DNAH10: variants seen among roughly 807,000 people sequenced by gnomAD.
The protein encoded by DNAH10 is axonemal beta dynein heavy chain 10.
Under a neutral mutation model 506.6 loss-of-function variants are expected in DNAH10, and 348 were observed. The ratio of observed to expected loss-of-function variants is 0.69; its 90% CI spans 0.63 to 0.75. The LOEUF (loss-of-function observed/expected upper bound fraction) is 0.75. Ranked by LOEUF, DNAH10 falls within the 30% of genes least tolerant of loss-of-function variation. The pLI, the probability that DNAH10 is intolerant of heterozygous loss-of-function variation, is 0.00. For missense variants in DNAH10, 5,179 were observed against 5,787.1 expected, an observed-to-expected ratio of 0.89 and a Z score of 3.41; for synonymous variants, 2,059 against 2,198.6, an observed-to-expected ratio of 0.94 and a Z score of 1.78.
intron 6 of DNAH10, among the ~76,000 whole-genome samples, chr12:123,782,059 C>T (rs1448194772): frequency 1.3e-5 from 2 of 152,124 alleles, no homozygotes; most frequent in Non-Finnish European, 2.9e-5. Context: ...GGATGGATGT[C>T]TAGAGATTCT....
In DNAH10 at chr12:123,826,843, T is replaced by C; in HGVS notation, c.4336T>C (p.Phe1446Leu). ...CTACTTGGAAGCAAAAATGAAGGCATTCAAAGACTCGATTCCTTTACTTCT... is the reference window on the plus strand; with the variant it reads ...CTACTTGGAAGCAAAAATGAAGGCACTCAAAGACTCGATTCCTTTACTTCT... ...TYYLEAKMKA[F>L]KDSIPLLLDL... The change falls in exon 25 of 79, where the codon TTC (phenylalanine) becomes CTC (leucine). Residue 1446 changes from phenylalanine to leucine, a missense_variant. Physicochemically the swap from Phe to Leu is conservative, Grantham distance 22. This residue lies in a region of DNAH10 where 4,844 missense variants were observed against 5,430.5 expected (regional missense o/e 0.89). Coordinates refer to ENST00000673944, the MANE Select transcript of DNAH10 (RefSeq NM_001372106.1). The C allele has an allele frequency of 5.0e-6, 8 of 1,614,012 alleles. No homozygotes were observed. Among genetic ancestry groups the C allele is most frequent in the Non-Finnish European group, 6.8e-6 (8 of 1,179,882 alleles).
chr12:123,893,207 A>C (rs747106659), intron 52 of DNAH10, 26 bp from the exon 53 acceptor site: 1 of 1,610,200 alleles, frequency 6.2e-7, no homozygotes, highest in Admixed American at 1.7e-5. Flanking sequence ...ACTCAGAGAG[A>C]TCACCAGCAT....
intron 18 of DNAH10, among the ~76,000 whole-genome samples, chr12:123,807,836 G>A (rs1468515337): frequency 9.7e-6 from 1 of 103,018 alleles, no homozygotes; most frequent in African/African-American, 3.7e-5. Flanking sequence ...GGGGAAGAGG[G>A]AGAGAGGAAG....
chr12:123,879,646 A>G lies in DNAH10; in HGVS notation c.8479A>G (p.Ile2827Val). ...CTTCTGTTTCAAGGTACAACAGCAC[A>G]TAGGCAGCTTGGTTGTGGAACATTT... Reference protein sequence around the residue: ...ETDKQLVQQHIGSLVVEHFKD... With the variant: ...ETDKQLVQQHVGSLVVEHFKD... Residue 2827 changes from isoleucine to valine, a missense_variant, in exon 50 of 79, where the codon ATA becomes GTA. Around this residue, in one of 3 missense-constraint regions of DNAH10, gnomAD observed 4,844 missense variants for 5,430.5 expected, o/e 0.89. Coordinates refer to ENST00000673944, the MANE Select transcript of DNAH10 (RefSeq NM_001372106.1). 6.2e-7 allele frequency: 1 copy of G among 1,614,044 alleles called. No individual in the cohort carries two copies. Among genetic ancestry groups the G allele is most frequent in the Non-Finnish European group, 8.5e-7 (1 of 1,179,898 alleles).
At chr12:123,773,945 G>A (rs752080179) in intron 4 of DNAH10, among the ~76,000 whole-genome samples, 1 of 152,180 alleles carries the variant, frequency 6.6e-6, no homozygotes, top group African/African-American at 2.4e-5. Flanking sequence ...ACTAATCCAC[G>A]AACCACAGTG....
chr12:123,817,631 TCTTATAA>T (rs1430324515), intron 21 of DNAH10, among the ~76,000 whole-genome samples: 1 of 152,238 alleles, frequency 6.6e-6, no homozygotes, highest in African/African-American at 2.4e-5. Context: ...AAATTGTGTG[TCTTATAA>T]CTCTGTCGTG....
Position 123,826,768 on chromosome 12 carries a change from A to T in DNAH10, c.4261A>T (p.Arg1421Trp). 6.2e-7 allele frequency: 1 copy of T among 1,612,860 alleles called. No homozygotes were observed. The highest frequency in any genetic ancestry group is 8.5e-7 in the Non-Finnish European group (1 of 1,178,862). ...ILQEGIEGFL[R>W]ALRKLPRPVR... ...CCAGGAAGGAATTGAAGGTTTTCTC[A>T]GGGCTCTCAGAAAGCTACCTCGGCC... Residue 1421 changes from arginine (R) to tryptophan (W), a missense_variant, in exon 25 of 79, where the codon AGG becomes TGG. Physicochemically the swap from Arg to Trp is moderately radical, Grantham distance 101. Around this residue, in one of 3 missense-constraint regions of DNAH10, gnomAD observed 4,844 missense variants for 5,430.5 expected, o/e 0.89. Transcript: ENST00000673944.
intron 24 of DNAH10, 68 bp downstream of exon 24, chr12:123,820,826 G>C: frequency 6.5e-7 from 1 of 1,538,880 alleles, no homozygotes; most frequent in Non-Finnish European, 8.9e-7. Flanking sequence ...CTTAAGCCCT[G>C]CAGACTTTGA....
At position 123,833,183 on chromosome 12, in the gene DNAH10, C is replaced by G. The variant is rs1287390166; in HGVS notation, c.4615C>G (p.Gln1539Glu). 1 of 1,613,306 alleles carries G rather than the reference C, an allele frequency of 6.2e-7. No homozygotes were observed. The highest frequency in any genetic ancestry group is 1.1e-5 in the South Asian group (1 of 90,996). The change falls in exon 27 of 79, where the codon CAG becomes GAG. Residue 1539 changes from glutamine (Q) to glutamate (E), a missense_variant. Physicochemically the swap from Gln to Glu is conservative, Grantham distance 29 (BLOSUM62 2). Around this residue, in one of 3 missense-constraint regions of DNAH10, gnomAD observed 4,844 missense variants for 5,430.5 expected, o/e 0.89. Transcript: ENST00000673944. Reference protein sequence around the residue: ...FTVVKYCKGTQERGYILGSVD... With the variant: ...FTVVKYCKGTEERGYILGSVD... ...TGTAGTCAAGTATTGCAAAGGCACA[C>G]AGGAGCGAGGCTACATCCTGGGTTC...
At chr12:123,924,927 C>A in intron 67 of DNAH10, 123 bp from the exon 68 acceptor site, 1 of 1,291,886 alleles carries the variant, frequency 7.7e-7, no homozygotes, top group Non-Finnish European at 1.1e-6. Context: ...GACCAGGTGG[C>A]CTTCAGTTAG....
chr12:123,834,485 G>A (rs904795707), intron 27 of DNAH10, among the ~76,000 whole-genome samples: 4 of 152,142 alleles, frequency 2.6e-5, no homozygotes, highest in Non-Finnish European at 4.4e-5. Context: ...TGTGATTATA[G>A]GCATGAGCCA....
rs958045147 is a variant in DNAH10 at position 123,928,296 on chromosome 12, C to T, written c.12106-91C>T. Reference sequence around the variant, plus strand: ...TTTTGGCTTCTGCTGGAGCTGCCATCGCCCTTCTGTGGGTGTGGAGTGGGT... The same window carrying T: ...TTTTGGCTTCTGCTGGAGCTGCCATTGCCCTTCTGTGGGTGTGGAGTGGGT... On this transcript the variant is annotated intron_variant, in intron 69 of 78. Transcript: ENST00000673944. The surrounding 1 kb of genome is among the most constrained non-coding windows in gnomAD (Gnocchi z 4.9). 47 of 1,391,794 alleles carry T rather than the reference C, an allele frequency of 3.4e-5. No individual in the cohort carries two copies. In the African/African-American group the frequency reaches 5.3e-4, roughly 16 times the overall value. 86.2% of individuals were successfully genotyped at this position (1,391,794 alleles called of 1,614,324 possible).
Position 123,909,211 on chromosome 12 carries a change from T to C in DNAH10, c.9816-50T>C. On this transcript the variant is annotated intron_variant, in intron 57 of 78. Transcript: ENST00000673944. This position sits in a 1 kb window ranked among gnomAD's most constrained non-coding sequence, Gnocchi z 5.4. ...TTCTGGAGCTCTCTTTCAGGCCAGA[T>C]CCTGGCCACATCCCGGGGTTGTGAC... 6.3e-7 allele frequency: 1 copy of C among 1,589,778 alleles called. No individual in the cohort carries two copies. Among genetic ancestry groups the C allele is most frequent in the Non-Finnish European group, 8.6e-7 (1 of 1,168,580 alleles).
chr12:123,914,913 C>A lies in DNAH10; in HGVS notation c.10636C>A (p.Arg3546=), dbSNP rs200816002. 6.2e-7 allele frequency: 1 copy of A among 1,613,058 alleles called. No homozygotes were observed. The highest frequency in any genetic ancestry group is 1.1e-5 in the South Asian group (1 of 90,878). The change falls in exon 62 of 79, where the codon CGG becomes AGG. Residue 3546 remains arginine, a synonymous_variant. Coordinates refer to ENST00000673944, the MANE Select transcript of DNAH10 (RefSeq NM_001372106.1). ...LSVQNGILTT[R]ASRFPLCIDP... The stretch of plus-strand genomic sequence containing the variant: ...CGTTCAGAATGGCATCCTCACCACC[C>A]GGGCCAGCCGCTTCCCTCTGTGTAT...
rs571381385 is a variant in DNAH10 at position 123,919,614 on chromosome 12, C to G, written c.11506+665C>G. Among the ~76,000 whole-genome samples the G allele has an allele frequency of 7.2e-5, 11 of 152,288 alleles. No individual in the cohort carries two copies. Among genetic ancestry groups the G allele is most frequent in the East Asian group, 5.8e-4 (3 of 5,182 alleles). On this transcript the variant is annotated intron_variant, in intron 65 of 78. Transcript: ENST00000673944. This position sits in a 1 kb window ranked among gnomAD's most constrained non-coding sequence, Gnocchi z 4.9. ...AAATCCCATACCCATTAGCAGTCAC[C>G]CCCTGGCCCCCCACTCCTAGTCCCT...
chr12:123,851,396 G>A (rs1254481502), intron 35 of DNAH10, among the ~76,000 whole-genome samples: 1 of 151,230 alleles, frequency 6.6e-6, no homozygotes, highest in Non-Finnish European at 1.5e-5. Flanking sequence ...GGGGACCTAG[G>A]ATGTGTCAGC....
chr12:123,932,886 T>C (rs1157429829), intron 76 of DNAH10, among the ~76,000 whole-genome samples: 2 of 152,242 alleles, frequency 1.3e-5, no homozygotes, highest in African/African-American at 4.8e-5. Flanking sequence ...TTCTCATTGA[T>C]GTTTAAGAGC....
At chr12:123,783,072 A>G in intron 6 of DNAH10, 35 bp from the exon 7 acceptor site, 1 of 1,607,640 alleles carries the variant, frequency 6.2e-7, no homozygotes, top group Non-Finnish European at 8.5e-7. Context: ...ATTTTTCCTG[A>G]ACGAATGACT....
At chr12:123,811,934 G>A (rs960489974) in intron 19 of DNAH10, among the ~76,000 whole-genome samples, 2 of 151,966 alleles carry the variant, frequency 1.3e-5, no homozygotes, top group East Asian at 1.9e-4. Context: ...AACGCGCCCC[G>A]CCTAGTGTTA....
Sources: gnomAD v4.1 joint callset for allele counts (sites outside exome capture counted in the v4.1 genomes callset) on GRCh38, gnomAD v4.1.1 for gene constraint, gnomAD v4.1.1 regional missense constraint, Gnocchi (gnomAD v3.1) non-coding constraint, MANE v1.5 for transcripts, NCBI Gene and HGNC (gene_info 2026-07-23, HGNC 2026-07-21) for gene names.